ITFG1: variants seen among roughly 807,000 people sequenced by gnomAD.
ITFG1 encodes the protein T-cell immunomodulatory protein.
Under a neutral mutation model 81.8 loss-of-function variants are expected in ITFG1, and 34 were observed. The ratio of observed to expected loss-of-function variants is 0.42; its 90% CI spans 0.32 to 0.55. The LOEUF is 0.55. Among genes scored for constraint, ITFG1 ranks in the 20% least tolerant of loss-of-function variants. The pLI, the probability that ITFG1 is intolerant of heterozygous loss-of-function variation, is 0.17. For missense variants in ITFG1, 672 were observed against 755.4 expected, an observed-to-expected ratio of 0.89 and a Z score of 1.29; for synonymous variants, 285 against 270.6, an observed-to-expected ratio of 1.05 and a Z score of -0.52.
intron 14 of ITFG1, among the ~76,000 whole-genome samples, chr16:47,211,827 T>G (rs921708265): frequency 3.3e-5 from 5 of 152,208 alleles, no homozygotes; most frequent in African/African-American, 1.2e-4. Flanking sequence ...TTTTTTAATC[T>G]TGAACTGGCA....
Position 47,258,688 on chromosome 16 carries a change from G to T in ITFG1, c.1274C>A (p.Ala425Asp). The T allele has an allele frequency of 6.4e-7, 1 of 1,556,996 alleles. No homozygotes were observed. Among genetic ancestry groups the T allele is most frequent in the Non-Finnish European group, 8.7e-7 (1 of 1,144,384 alleles). Residue 425 changes from alanine to aspartate, a missense_variant, in exon 12 of 18, where the codon GCC becomes GAC. This residue lies in a region of ITFG1 where 560 missense variants were observed against 625.7 expected (regional missense o/e 0.90). Coordinates refer to ENST00000320640, the MANE Select transcript of ITFG1 (RefSeq NM_030790.5). ...LSKGYTKNDF[A>D]IHTLKNNFEA... Reference sequence around the variant, plus strand: ...AAAGTTATTTTTTAGTGTATGAATGGCAAAATCATTCTTTGTATATCCTTT... The same window carrying T: ...AAAGTTATTTTTTAGTGTATGAATGTCAAAATCATTCTTTGTATATCCTTT...
intron 10 of ITFG1, among the ~76,000 whole-genome samples, chr16:47,280,573 A>T (rs1966440826): frequency 6.6e-6 from 1 of 152,140 alleles, no homozygotes; most frequent in African/African-American, 2.4e-5. Flanking sequence ...TTCCTGAGCA[A>T]TAGGAGCATC....
At chr16:47,253,669 A>G (rs963132966) in intron 12 of ITFG1, among the ~76,000 whole-genome samples, 4 of 152,190 alleles carry the variant, frequency 2.6e-5, no homozygotes, top group African/African-American at 9.6e-5. Context: ...CATAAGGAGC[A>G]CACAACCTAG....
intron 13 of ITFG1, 105 bp from the exon 14 acceptor site, chr16:47,219,051 T>A (rs773665941): frequency 6.2e-5 from 36 of 577,130 alleles, no homozygotes; most frequent in Admixed American, 1.8e-4. Flanking sequence ...AGATGACAGT[T>A]ACTTAGAGAC....
chr16:47,162,260 G>A (rs1227720994), intron 15 of ITFG1, among the ~76,000 whole-genome samples: 1 of 151,918 alleles, frequency 6.6e-6, no homozygotes, highest in Non-Finnish European at 1.5e-5. Flanking sequence ...TACACGTTAG[G>A]TGGTGAAAAA....
chr16:47,433,790 TATAC>T (rs1340949711), intron 5 of ITFG1, among the ~76,000 whole-genome samples: 1 of 142,894 alleles, frequency 7.0e-6, no homozygotes, highest in Admixed American at 7.1e-5. Flanking sequence ...TATATATATA[TATAC>T]ACACACACAC....
chr16:47,260,663 G>A lies in ITFG1; in HGVS notation c.1103C>T (p.Pro368Leu), dbSNP rs1035404584. The change falls in exon 11 of 18, where the codon CCT (proline) becomes CTT (leucine). Residue 368 changes from proline (P) to leucine (L), a missense_variant. Transcript: ENST00000320640. ...NQQAFLLENV[P>L]CNNASCEEAR... ...CTCTTCACAGCTTGCATTATTACAA[G>A]GGACGTTCTCCAGTAAAAAGGCCTG... is the stretch of plus-strand genomic sequence containing the variant. 4.3e-6 allele frequency: 7 copies of A among 1,614,052 alleles called. No homozygotes were observed. In the African/African-American group the frequency reaches 8.0e-5, roughly 18 times the overall value.
chr16:47,292,201 A>AT (rs747632091), intron 10 of ITFG1, among the ~76,000 whole-genome samples: 5 of 152,010 alleles, frequency 3.3e-5, no homozygotes, highest in Non-Finnish European at 7.4e-5. Flanking sequence ...TTTAGTAGAG[A>AT]TCGGGTTTCA....
rs915552098 is a variant in ITFG1 at position 47,343,407 on chromosome 16, G to T, written c.802+22381C>A. The stretch of plus-strand genomic sequence containing the variant: ...TGAAAAGACAACTCACAGAATGGGA[G>T]AAAATATTTTCCCATCACATCTGTT... On this transcript the variant is annotated intron_variant, in intron 8 of 17. Coordinates refer to ENST00000320640, the MANE Select transcript of ITFG1 (RefSeq NM_030790.5). Among the ~76,000 whole-genome samples, 42 of 151,976 alleles carry T rather than the reference G, an allele frequency of 2.8e-4. 1 individual carries two copies. The highest frequency in any genetic ancestry group is 9.7e-4 in the African/African-American group (40 of 41,396).
chr16:47,448,604 A>ATTTT (rs34421476), intron 5 of ITFG1: 7 of 128,188 alleles, frequency 5.5e-5, no homozygotes, highest in African/African-American at 1.8e-4. Flanking sequence ...GAGTCAGAAA[A>ATTTT]TTTTTTTTTT....
chr16:47,452,211 C>T (rs1462412326), intron 4 of ITFG1, among the ~76,000 whole-genome samples: 3 of 152,168 alleles, frequency 2.0e-5, no homozygotes, highest in Non-Finnish European at 4.4e-5. Context: ...CCAAACTTTG[C>T]TCTAGTCCCG....
At chr16:47,429,107 A>T (rs1969061175) in intron 5 of ITFG1, among the ~76,000 whole-genome samples, 1 of 152,214 alleles carries the variant, frequency 6.6e-6, no homozygotes, top group Non-Finnish European at 1.5e-5. Context: ...AAGCATTTTC[A>T]TCACACCAAA....
intron 5 of ITFG1, among the ~76,000 whole-genome samples, chr16:47,442,679 G>T (rs1306521457): frequency 2.0e-5 from 3 of 152,150 alleles, no homozygotes; most frequent in African/African-American, 7.2e-5. Context: ...AAATGGTGCT[G>T]GGAAAACTGG....
At chr16:47,267,340 TA>T (rs1176156437) in intron 10 of ITFG1, among the ~76,000 whole-genome samples, 1 of 152,166 alleles carries the variant, frequency 6.6e-6, no homozygotes, top group Non-Finnish European at 1.5e-5. Flanking sequence ...TCATTTCATA[TA>T]AAAGAGTCAG....
intron 2 of ITFG1, among the ~76,000 whole-genome samples, chr16:47,455,526 G>A (rs1205158281): frequency 6.6e-6 from 1 of 151,944 alleles, no homozygotes; most frequent in East Asian, 1.9e-4. Context: ...ACTTTGGGAG[G>A]TGGAGGTGGA....
chr16:47,371,035 G>A (rs968540290), intron 7 of ITFG1, among the ~76,000 whole-genome samples: 29 of 152,246 alleles, frequency 1.9e-4, no homozygotes, highest in Non-Finnish European at 8.8e-5. Context: ...TGTTCTTACC[G>A]ATCTGCACTG....
chr16:47,260,011 T>C (rs1966188980), intron 11 of ITFG1, among the ~76,000 whole-genome samples: 1 of 151,232 alleles, frequency 6.6e-6, no homozygotes, highest in Admixed American at 6.6e-5. Flanking sequence ...CAATCTCGGC[T>C]CACTGCAAAC....
At chr16:47,252,681 G>A (rs1966091761) in intron 12 of ITFG1, among the ~76,000 whole-genome samples, 1 of 152,188 alleles carries the variant, frequency 6.6e-6, no homozygotes, top group African/African-American at 2.4e-5. Context: ...CAGAAGGGCA[G>A]TTTACATTGC....
chr16:47,323,226 T>C (rs1438751166), intron 8 of ITFG1, among the ~76,000 whole-genome samples: 1 of 152,204 alleles, frequency 6.6e-6, no homozygotes, highest in Non-Finnish European at 1.5e-5. Flanking sequence ...GATTAACTCA[T>C]TCATGAGTTA....
Sources: gnomAD v4.1 joint callset for allele counts (sites outside exome capture counted in the v4.1 genomes callset) on GRCh38, gnomAD v4.1.1 for gene constraint, gnomAD v4.1.1 regional missense constraint, MANE v1.5 for transcripts, NCBI Gene and HGNC (gene_info 2026-07-23, HGNC 2026-07-21) for gene names.